CDH13: variants seen among roughly 807,000 people sequenced by gnomAD.
The protein encoded by CDH13 is cadherin-13.
In CDH13, 24 loss-of-function variants were observed where a neutral mutation model predicts 63.8. That is an observed-to-expected ratio of 0.38 (90% CI 0.27 to 0.53). The LOEUF (loss-of-function observed/expected upper bound fraction) is 0.53, where lower values mean the gene tolerates loss of function less well. CDH13 is among the 20% of genes least tolerant of loss of function. The pLI is 0.85. For missense variants in CDH13, 1,049 were observed against 903.1 expected, an observed-to-expected ratio of 1.16 and a Z score of -2.07; for synonymous variants, 503 against 355.3, an observed-to-expected ratio of 1.42 and a Z score of -4.67.
Position 82,714,440 on chromosome 16 carries a change from A to C in CDH13, c.45+87303A>C, listed in dbSNP as rs562514607. On this transcript the variant is annotated intron_variant, in intron 1 of 13. Transcript: ENST00000567109. ...CTGTAAGAAGAAAAGAGGGTCGGGC[A>C]TGGTGGCTCAGGCCTGTAATCTCAG... Among the ~76,000 whole-genome samples, 10 of 152,198 alleles carry C rather than the reference A, an allele frequency of 6.6e-5. No individual in the cohort carries two copies. The East Asian group carries it at 1.7e-3, about 27-fold the overall frequency.
At chr16:83,599,722 A>G (rs182526920) in intron 7 of CDH13, among the ~76,000 whole-genome samples, 1 of 152,350 alleles carries the variant, frequency 6.6e-6, no homozygotes, top group East Asian at 1.9e-4. Flanking sequence ...TAAATATTAT[A>G]TGTGAAAAAT....
At chr16:82,726,487 T>G (rs760873407) in intron 1 of CDH13, among the ~76,000 whole-genome samples, 11 of 152,354 alleles carry the variant, frequency 7.2e-5, no homozygotes, top group Non-Finnish European at 1.2e-4. Context: ...CATTCTTTTC[T>G]CATGAGCTGT....
intron 7 of CDH13, among the ~76,000 whole-genome samples, chr16:83,519,109 T>C (rs909998589): frequency 2.0e-5 from 3 of 152,096 alleles, no homozygotes; most frequent in African/African-American, 4.8e-5. Flanking sequence ...TCTGGAAGGA[T>C]AGAGAATAGA....
In CDH13 at chr16:83,514,233, C is replaced by T. The variant is rs529615939; in HGVS notation, c.960+27578C>T. ...CTGTACTAGGTTGACTAGGGTCCTC[C>T]CCAAATTCATGTCTACCCAGAACCT... is the stretch of plus-strand genomic sequence containing the variant. On this transcript the variant is annotated intron_variant, in intron 7 of 13. Transcript: ENST00000567109. Among the ~76,000 whole-genome samples, 83 of 152,278 alleles carry T rather than the reference C, an allele frequency of 5.5e-4. No individual in the cohort carries two copies. In the South Asian group the frequency reaches 0.014, roughly 26 times the overall value.
At chr16:83,376,729 T>C (rs769214040) in intron 6 of CDH13, among the ~76,000 whole-genome samples, 33 of 152,080 alleles carry the variant, frequency 2.2e-4, no homozygotes, top group Non-Finnish European at 4.0e-4. Context: ...TCTGATACAT[T>C]ACAAAGGGCC....
chr16:83,634,202 C>T (rs1911051880), intron 8 of CDH13, among the ~76,000 whole-genome samples: 2 of 151,170 alleles, frequency 1.3e-5, no homozygotes, highest in African/African-American at 4.9e-5. Context: ...TGTGTGACCA[C>T]CACCACCATC....
At chr16:83,654,087 A>G (rs1338254146) in intron 8 of CDH13, among the ~76,000 whole-genome samples, 6 of 152,096 alleles carry the variant, frequency 3.9e-5, no homozygotes, top group African/African-American at 1.4e-4. Flanking sequence ...AGGGATGGGC[A>G]TGTGGCTAGG....
intron 1 of CDH13, among the ~76,000 whole-genome samples, chr16:82,815,885 C>T (rs976232693): frequency 6.6e-6 from 1 of 152,206 alleles, no homozygotes; most frequent in Non-Finnish European, 1.5e-5. Flanking sequence ...CCACAGATGA[C>T]TGTTGGGGAA....
At chr16:83,241,821 C>T (rs1028876217) in intron 5 of CDH13, among the ~76,000 whole-genome samples, 25 of 152,070 alleles carry the variant, frequency 1.6e-4, no homozygotes, top group Admixed American at 1.4e-3. Context: ...CTTTGATGAG[C>T]ATAAGTTTTT....
intron 5 of CDH13, among the ~76,000 whole-genome samples, chr16:83,253,427 G>A (rs573927632): frequency 9.1e-4 from 138 of 152,316 alleles, no homozygotes; most frequent in Middle Eastern, 6.8e-3. Context: ...AAAGTAAGAA[G>A]CAGCCAGTGT....
chr16:83,356,804 C>G (rs996354483), intron 6 of CDH13, among the ~76,000 whole-genome samples: 1 of 151,898 alleles, frequency 6.6e-6, no homozygotes, highest in Non-Finnish European at 1.5e-5. Context: ...TTTTCAGTAT[C>G]AAAGAAAAAA....
intron 6 of CDH13, among the ~76,000 whole-genome samples, chr16:83,479,299 C>T (rs867004177): frequency 1.3e-5 from 2 of 152,194 alleles, no homozygotes; most frequent in South Asian, 2.1e-4. Flanking sequence ...CTATTTCCCT[C>T]GTCATGATTG....
chr16:83,251,023 C>A (rs1042805948), intron 5 of CDH13, among the ~76,000 whole-genome samples: 1 of 151,704 alleles, frequency 6.6e-6, no homozygotes, highest in East Asian at 1.9e-4. Flanking sequence ...GCTCCTCATC[C>A]CCCAGCCAAC....
At chr16:82,792,281 C>G (rs1207948389) in intron 1 of CDH13, among the ~76,000 whole-genome samples, 1 of 152,184 alleles carries the variant, frequency 6.6e-6, no homozygotes, top group Non-Finnish European at 1.5e-5. Flanking sequence ...TCATCACTTA[C>G]TCATTCAATC....
At chr16:83,130,010 C>G (rs531395389) in intron 4 of CDH13, among the ~76,000 whole-genome samples, 35 of 152,268 alleles carry the variant, frequency 2.3e-4, no homozygotes, top group Non-Finnish European at 4.0e-4. Flanking sequence ...GGAGGGAAAA[C>G]CTCTGAAATT....
At chr16:82,955,350 A>G (rs188415326) in intron 2 of CDH13, among the ~76,000 whole-genome samples, 4 of 152,336 alleles carry the variant, frequency 2.6e-5, no homozygotes, top group African/African-American at 9.6e-5. Flanking sequence ...GAAGGATGTT[A>G]TCGGTACATG....
intron 1 of CDH13, among the ~76,000 whole-genome samples, chr16:82,716,054 G>A (rs558595386): frequency 3.9e-5 from 6 of 152,298 alleles, no homozygotes; most frequent in Admixed American, 3.9e-4. Context: ...AGTCGGATAA[G>A]GAAATGACCT....
rs537188661 is a variant in CDH13, at chr16:83,242,565, A to G, written c.636+25068A>G. Among the ~76,000 whole-genome samples the G allele has an allele frequency of 7.9e-5, 12 of 152,318 alleles. No homozygotes were observed. In the East Asian group the frequency reaches 2.1e-3, roughly 27 times the overall value. On this transcript the variant is annotated intron_variant, in intron 5 of 13. Coordinates refer to ENST00000567109, the MANE Select transcript of CDH13 (RefSeq NM_001257.5). The stretch of plus-strand genomic sequence containing the variant: ...GGCTTATAGGGTGACATACAGGTCC[A>G]GGCAGAGTGAGCCAACCAACATCAC...
At chr16:82,975,372 G>A (rs1346532244) in intron 2 of CDH13, among the ~76,000 whole-genome samples, 1 of 152,190 alleles carries the variant, frequency 6.6e-6, no homozygotes, top group Non-Finnish European at 1.5e-5. Context: ...GGCAGGCAGT[G>A]TGGGGTCACA....
Sources: allele counts gnomAD v4.1 joint callset (sites outside exome capture counted in the v4.1 genomes callset), GRCh38; gene constraint gnomAD v4.1.1; transcripts MANE v1.5; gene names NCBI Gene and HGNC (gene_info 2026-07-23, HGNC 2026-07-21).